The following YTHDC2 variants were observed in gnomAD, a reference collection of about 807,000 sequenced individuals.
YTHDC2 encodes YTH N6-methyladenosine RNA binding protein C2.
A neutral mutation model predicts 174.9 loss-of-function variants in YTHDC2; 45 were observed. That is an observed-to-expected ratio of 0.26 (90% confidence interval 0.20 to 0.33). The LOEUF (loss-of-function observed/expected upper bound fraction) is 0.33, where lower values mean the gene tolerates loss of function less well. YTHDC2 is among the 10% of genes least tolerant of loss of function. The pLI, the probability that YTHDC2 is intolerant of heterozygous loss-of-function variation, is 1.00. For missense variants in YTHDC2, 1,650 were observed against 1,723.7 expected (o/e 0.96, Z 0.76); for synonymous variants, 657 against 574.5 (o/e 1.14, Z -2.05).
intron 21 of YTHDC2, 87 bp downstream of exon 21, chr5:113,566,106 A>G: frequency 7.4e-7 from 1 of 1,349,678 alleles, no homozygotes; most frequent in Non-Finnish European, 9.9e-7. Flanking sequence ...AACTGATGCC[A>G]TCTATTATTT....
chr5:113,585,828 TTATC>T (rs1778648763), intron 26 of YTHDC2, among the ~76,000 whole-genome samples: 1 of 151,888 alleles, frequency 6.6e-6, no homozygotes, highest in African/African-American at 2.4e-5. Flanking sequence ...TATTATTAGT[TTATC>T]TAATTACTGA....
chr5:113,586,057 A>G (rs1169790158), intron 26 of YTHDC2, among the ~76,000 whole-genome samples: 1 of 152,064 alleles, frequency 6.6e-6, no homozygotes, highest in Admixed American at 6.5e-5. Flanking sequence ...TGATAAATGT[A>G]TATTTAGCTT....
At position 113,581,601 on chromosome 5, in the gene YTHDC2, G is replaced by A; in HGVS notation, c.3539G>A (p.Arg1180Lys). The A allele has an allele frequency of 6.2e-7, 1 of 1,614,014 alleles. No homozygotes were observed. Among genetic ancestry groups the A allele is most frequent in the Non-Finnish European group, 8.5e-7 (1 of 1,179,930 alleles). The change falls in exon 25 of 30, where the codon AGG (arginine) becomes AAG (lysine). Residue 1180 changes from arginine to lysine, a missense_variant. Arg to Lys is a conservative substitution (Grantham distance 26, BLOSUM62 2). Transcript: ENST00000161863. ...CCATCTGGGATTGGCCAAAGGCCAA[G>A]GCCTATGTCTTCAGAAGAGCTTCCT... is the stretch of plus-strand genomic sequence containing the variant. ...QQPSGIGQRP[R>K]PMSSEELPLA...
At position 113,526,572 on chromosome 5, in the gene YTHDC2, ATTCAT is replaced by A. The variant is rs1316588804; in HGVS notation, c.476-11_476-7del. ...TTGATCATACATTTTTTGTTCTTTT[ATTCAT>A]TTTCAAAGAAAACCGGGAAATGAGC... On this transcript the variant is annotated splice_polypyrimidine_tract_variant and intron_variant, in intron 3 of 29. Coordinates refer to ENST00000161863, the MANE Select transcript of YTHDC2 (RefSeq NM_022828.5). 1 of 1,538,246 alleles carries A rather than the reference ATTCAT, an allele frequency of 6.5e-7. No individual in the cohort carries two copies. Among genetic ancestry groups the A allele is most frequent in the Non-Finnish European group, 8.8e-7 (1 of 1,140,260 alleles).
At chr5:113,574,758 A>G (rs1325486925) in intron 23 of YTHDC2, among the ~76,000 whole-genome samples, 1 of 152,084 alleles carries the variant, frequency 6.6e-6, no homozygotes, top group Non-Finnish European at 1.5e-5. Flanking sequence ...GATATGTACA[A>G]ACAGATTTCC....
At chr5:113,544,125 A>T (rs956116328) in intron 10 of YTHDC2, among the ~76,000 whole-genome samples, 1 of 152,122 alleles carries the variant, frequency 6.6e-6, no homozygotes. Context: ...TAAGTGCTGA[A>T]AAATCTTTGT....
chr5:113,588,446 T>A (rs1370382021), intron 26 of YTHDC2, among the ~76,000 whole-genome samples: 1 of 151,984 alleles, frequency 6.6e-6, no homozygotes, highest in Non-Finnish European at 1.5e-5. Flanking sequence ...TTCTTTTTTC[T>A]TATGTATCTT....
Position 113,525,146 on chromosome 5 carries a change from A to G in YTHDC2, c.444A>G (p.Thr148=). The change falls in exon 3 of 30, where the codon ACA becomes ACG. Residue 148 remains threonine (T), a synonymous_variant. Coordinates refer to ENST00000161863, the MANE Select transcript of YTHDC2 (RefSeq NM_022828.5). ...NKERTELLPK[T]ERGNVFAVEA... ...AGCGTACAGAACTTCTGCCTAAAAC[A>G]GAAAGAGGAAATGTGTTTGCAGTTG... The G allele has an allele frequency of 6.2e-7, 1 of 1,602,766 alleles. No homozygotes were observed. Among genetic ancestry groups the G allele is most frequent in the Non-Finnish European group, 8.5e-7 (1 of 1,175,558 alleles).
Position 113,554,042 on chromosome 5 carries a change from A to G in YTHDC2, c.2133+20A>G. 1 of 1,480,904 alleles carries G rather than the reference A, an allele frequency of 6.8e-7. No individual in the cohort carries two copies. Among genetic ancestry groups the G allele is most frequent in the Non-Finnish European group, 9.0e-7 (1 of 1,112,206 alleles). The allele number at this position is 1,480,904 out of a possible 1,614,324, so 91.7% of individuals were successfully genotyped here. ...AAAGAGGTATGTATGGGTAAGTTGT[A>G]GTTTTACTTAAATGAAGAAGATTAA... On this transcript the variant is annotated intron_variant, in intron 16 of 29. Transcript: ENST00000161863.
intron 12 of YTHDC2, among the ~76,000 whole-genome samples, chr5:113,550,545 T>A (rs1282510342): frequency 6.6e-6 from 1 of 152,050 alleles, no homozygotes; most frequent in Non-Finnish European, 1.5e-5. Context: ...GGGTGGAAAG[T>A]GTAGGGAAGT....
chr5:113,592,241 C>A, intron 28 of YTHDC2, 63 bp downstream of exon 28: 2 of 1,438,472 alleles, frequency 1.4e-6, no homozygotes, highest in Non-Finnish European at 1.9e-6. Flanking sequence ...TTATCCAGTG[C>A]TTTAATTGAG....
At chr5:113,537,245 A>G (rs1442163070) in intron 7 of YTHDC2, among the ~76,000 whole-genome samples, 1 of 151,968 alleles carries the variant, frequency 6.6e-6, no homozygotes, top group Non-Finnish European at 1.5e-5. Context: ...AAGGCTATTT[A>G]TTTGAATTTT....
At chr5:113,540,879 C>A (rs564459389) in intron 8 of YTHDC2, 89 bp from the exon 9 acceptor site, 4 of 1,271,806 alleles carry the variant, frequency 3.1e-6, no homozygotes, top group Non-Finnish European at 4.3e-6. Flanking sequence ...TTAAGAGATA[C>A]CAGATTCCCA....
At chr5:113,554,124 CCTCTA>C (rs111641709) in intron 16 of YTHDC2, 102 bp downstream of exon 16, 225,223 of 1,092,896 alleles carry the variant, frequency 0.21, 29,624 homozygotes, top group African/African-American at 0.56. Context: ...TTTAATTTTA[CCTCTA>C]CTCAAGACAG....
In YTHDC2 at chr5:113,535,729, A is replaced by G; in HGVS notation, c.1033A>G (p.Ile345Val). Residue 345 changes from isoleucine to valine, a missense_variant, in exon 7 of 30, where the codon ATT becomes GTT. This residue lies in a region of YTHDC2 where 411 missense variants were observed against 380.6 expected (regional missense o/e 1.08). Coordinates refer to ENST00000161863, the MANE Select transcript of YTHDC2 (RefSeq NM_022828.5). ...LLQKHPTLKL[I>V]LSSAALDVNL... The stretch of plus-strand genomic sequence containing the variant: ...GCAAAAGCACCCAACTTTGAAACTA[A>G]TTCTTTCTAGTGCTGCCTTGGATGT... 6.2e-7 allele frequency: 1 copy of G among 1,613,806 alleles called. No individual in the cohort carries two copies. The highest frequency in any genetic ancestry group is 1.1e-5 in the South Asian group (1 of 91,056).
In YTHDC2 at chr5:113,588,404, G is replaced by T. The variant is rs914907464; in HGVS notation, c.3826-2637G>T. Among the ~76,000 whole-genome samples, 3 of 151,828 alleles carry T rather than the reference G, an allele frequency of 2.0e-5. No individual in the cohort carries two copies. The East Asian group carries it at 5.8e-4, about 29-fold the overall frequency. Reference sequence around the variant, plus strand: ...CTGGATATAATTTTGTTAAATGAGGGATCTTTGTTCATGAGGGGTATTATT... The same window carrying T: ...CTGGATATAATTTTGTTAAATGAGGTATCTTTGTTCATGAGGGGTATTATT... On this transcript the variant is annotated intron_variant, in intron 26 of 29. Transcript: ENST00000161863.
chr5:113,520,500 T>C (rs907293827), intron 2 of YTHDC2, among the ~76,000 whole-genome samples: 6 of 147,310 alleles, frequency 4.1e-5, no homozygotes, highest in Admixed American at 6.8e-5. Context: ...AAGAATCTCT[T>C]TTTTTTTTTT....
intron 10 of YTHDC2, among the ~76,000 whole-genome samples, chr5:113,547,733 A>G (rs1327064626): frequency 6.6e-6 from 1 of 152,208 alleles, no homozygotes; most frequent in African/African-American, 2.4e-5. Flanking sequence ...ACTGATGTAT[A>G]TTGATAATGG....
chr5:113,557,100 A>G (rs763556556), intron 17 of YTHDC2, among the ~76,000 whole-genome samples: 1 of 152,240 alleles, frequency 6.6e-6, no homozygotes, highest in Admixed American at 6.5e-5. Flanking sequence ...ACACAAATGC[A>G]TCGAGAAGTC....
Sources: allele counts gnomAD v4.1 joint callset (sites outside exome capture counted in the v4.1 genomes callset), GRCh38; gene constraint gnomAD v4.1.1; regional missense constraint gnomAD v4.1.1; transcripts MANE v1.5; gene names NCBI Gene and HGNC (gene_info 2026-07-23, HGNC 2026-07-21).